Variants in JHY observed in about 807,000 individuals in gnomAD.
JHY encodes jhy protein homolog.
Under a neutral mutation model 78.0 loss-of-function variants are expected in JHY, and 69 were observed. The observed-to-expected ratio is 0.88, with a 90% CI of 0.73 to 1.08. The LOEUF (loss-of-function observed/expected upper bound fraction) is 1.08, where lower values mean the gene tolerates loss of function less well. JHY is among the 50% of genes least tolerant of loss of function. The pLI is 0.00. For synonymous variants in JHY, 368 were observed against 342.6 expected, an observed-to-expected ratio of 1.07 and a Z score of -0.82; for missense variants, 944 against 927.8, an observed-to-expected ratio of 1.02 and a Z score of -0.23.
intron 5 of JHY, among the ~76,000 whole-genome samples, chr11:122,946,174 GT>G (rs914089597): frequency 6.6e-6 from 1 of 152,154 alleles, no homozygotes; most frequent in African/African-American, 2.4e-5. Context: ...TCAACTATGT[GT>G]TTAAAGGATG....
rs146702806 is a variant in JHY, at chr11:122,937,785, C to T, written c.1634+2710C>T. Among the ~76,000 whole-genome samples, 141 of 152,178 alleles carry T rather than the reference C, an allele frequency of 9.3e-4. 1 individual carries two copies. Among genetic ancestry groups the T allele is most frequent in the Admixed American group, 3.5e-3 (53 of 15,278 alleles). ...CCATCCCCGTTCTCTTTCTTAGTTTCGTCTCTAATTTTGATAGAGAACATC... is the reference window on the plus strand; with the variant it reads ...CCATCCCCGTTCTCTTTCTTAGTTTTGTCTCTAATTTTGATAGAGAACATC... On this transcript the variant is annotated intron_variant, in intron 5 of 8. Coordinates refer to ENST00000227349, the MANE Select transcript of JHY (RefSeq NM_024806.4).
At chr11:122,924,694 G>A (rs1041375444) in intron 3 of JHY, among the ~76,000 whole-genome samples, 2 of 152,104 alleles carry the variant, frequency 1.3e-5, no homozygotes, top group Non-Finnish European at 2.9e-5. Flanking sequence ...TTCTCTTCGT[G>A]TCTGCAAGAG....
chr11:122,921,978 A>G (rs532813053), intron 3 of JHY, among the ~76,000 whole-genome samples: 8 of 151,696 alleles, frequency 5.3e-5, no homozygotes, highest in African/African-American at 1.9e-4. Flanking sequence ...AAGATCTGGA[A>G]AAAAAAAAGA....
intron 5 of JHY, among the ~76,000 whole-genome samples, chr11:122,944,520 T>A (rs947283652): frequency 6.6e-6 from 1 of 152,212 alleles, no homozygotes; most frequent in Non-Finnish European, 1.5e-5. Flanking sequence ...TCATACATAT[T>A]ACTTTGTTCA....
intron 3 of JHY, among the ~76,000 whole-genome samples, chr11:122,906,117 C>T (rs541881777): frequency 9.9e-5 from 15 of 152,136 alleles, no homozygotes; most frequent in African/African-American, 3.6e-4. Context: ...TTCCATAAAA[C>T]TTACATGAAA....
intron 2 of JHY, among the ~76,000 whole-genome samples, chr11:122,894,760 A>G (rs1862702341): frequency 6.6e-6 from 1 of 151,724 alleles, no homozygotes; most frequent in Non-Finnish European, 1.5e-5. Context: ...GTTATCAAAG[A>G]AAAAAAAAGG....
At chr11:122,955,119 T>C (rs1314213820) in intron 6 of JHY, among the ~76,000 whole-genome samples, 1 of 152,128 alleles carries the variant, frequency 6.6e-6, no homozygotes, top group Admixed American at 6.5e-5. Flanking sequence ...CAGGGTTTGT[T>C]GTTGTTGTTG....
intron 6 of JHY, among the ~76,000 whole-genome samples, chr11:122,956,162 A>T (rs929301232): frequency 3.3e-5 from 5 of 149,486 alleles, no homozygotes; most frequent in Admixed American, 2.7e-4. Flanking sequence ...TCTCCAAAAA[A>T]AAAAAAATAA....
At chr11:122,903,756 A>G (rs905433341) in intron 2 of JHY, among the ~76,000 whole-genome samples, 169 bp from the exon 3 acceptor site, 6 of 152,168 alleles carry the variant, frequency 3.9e-5, no homozygotes, top group Non-Finnish European at 7.3e-5. Context: ...TGTTGGGATT[A>G]CAGGTATGAG....
At chr11:122,941,295 A>G (rs559081784) in intron 5 of JHY, among the ~76,000 whole-genome samples, 154 of 152,336 alleles carry the variant, frequency 1.0e-3, no homozygotes, top group African/African-American at 3.4e-3. Flanking sequence ...ATGCCAATAC[A>G]TATTTCTGTA....
rs757689302 is a variant in JHY at position 122,956,486 on chromosome 11, G to A, written c.1930-10G>A. The A allele has an allele frequency of 1.2e-6, 2 of 1,612,542 alleles. No homozygotes were observed. Among genetic ancestry groups the A allele is most frequent in the Non-Finnish European group, 1.7e-6 (2 of 1,179,002 alleles). On this transcript the variant is annotated splice_polypyrimidine_tract_variant and intron_variant, in intron 6 of 8. Coordinates refer to ENST00000227349, the MANE Select transcript of JHY (RefSeq NM_024806.4). ...CTTAAAAGAAACTGTTTCTGTGGTTGTATTTTTAGAACACCAAGCTGAAAG... is the reference window on the plus strand; with the variant it reads ...CTTAAAAGAAACTGTTTCTGTGGTTATATTTTTAGAACACCAAGCTGAAAG...
chr11:122,927,834 G>A (rs1446375223), intron 4 of JHY, among the ~76,000 whole-genome samples: 5 of 151,226 alleles, frequency 3.3e-5, no homozygotes, highest in Admixed American at 2.6e-4. Context: ...GGGTTCAAGC[G>A]ATTCTCCTGT....
At chr11:122,905,394 T>C in intron 3 of JHY, 1 of 1,472,358 alleles carries the variant, frequency 6.8e-7, no homozygotes, top group Non-Finnish European at 9.0e-7. Context: ...CATTTTCAAA[T>C]ACAAAGGAGA....
Position 122,886,033 on chromosome 11 carries a change from G to A in JHY, c.184G>A (p.Asp62Asn). 1 of 1,614,156 alleles carries A rather than the reference G, an allele frequency of 6.2e-7. No homozygotes were observed. The highest frequency in any genetic ancestry group is 8.5e-7 in the Non-Finnish European group (1 of 1,180,034). ...GATTATGTGCCATTCTGAGTTTGAT[G>A]ATCGAATCCGGGGCAACGGTATGGA... ...QEIMCHSEFD[D>N]RIRGNGMEPD... The change falls in exon 2 of 9, where the codon GAT becomes AAT. Residue 62 changes from aspartate (D) to asparagine (N), a missense_variant. By Grantham distance (23) the Asp-to-Asn change is conservative (BLOSUM62 1). Transcript: ENST00000227349.
intron 3 of JHY, among the ~76,000 whole-genome samples, chr11:122,922,789 A>G (rs377357473): frequency 0.021 from 3,059 of 145,338 alleles, 95 homozygotes; most frequent in African/African-American, 0.074. Flanking sequence ...CAGCCTGGGC[A>G]ACAGAGCGAG....
intron 6 of JHY, among the ~76,000 whole-genome samples, chr11:122,955,970 G>A (rs2135383484): frequency 6.6e-6 from 1 of 152,190 alleles, no homozygotes; most frequent in South Asian, 2.1e-4. Context: ...AATGGTAATA[G>A]GAACAGTGGC....
In JHY at chr11:122,963,613, G is replaced by A. The variant is rs1205670424; in HGVS notation, c.*4168G>A. ...TTTTGCTCCTGTTTTAAAGTAAATT[G>A]TACTAATGACAACAATAGTGATCTT... On this transcript the variant is annotated 3_prime_UTR_variant, in exon 9 of 9. Transcript: ENST00000227349. Among the ~76,000 whole-genome samples, 1 of 152,076 alleles carries A rather than the reference G, an allele frequency of 6.6e-6. No individual in the cohort carries two copies. Among genetic ancestry groups the A allele is most frequent in the African/African-American group, 2.4e-5 (1 of 41,422 alleles).
chr11:122,919,925 G>A (rs1248469170), intron 3 of JHY, among the ~76,000 whole-genome samples: 1 of 152,232 alleles, frequency 6.6e-6, no homozygotes, highest in African/African-American at 2.4e-5. Flanking sequence ...GGAGACTATG[G>A]CCAACAGCAG....
intron 1 of JHY, among the ~76,000 whole-genome samples, chr11:122,884,771 T>C (rs879775919): frequency 2.6e-5 from 4 of 152,144 alleles, no homozygotes; most frequent in Non-Finnish European, 4.4e-5. Context: ...AGTGGCAGAA[T>C]TCACAAGACC....
Sources: allele counts gnomAD v4.1 joint callset (sites outside exome capture counted in the v4.1 genomes callset), GRCh38; gene constraint gnomAD v4.1.1; transcripts MANE v1.5; gene names NCBI Gene and HGNC (gene_info 2026-07-23, HGNC 2026-07-21).